The following SNTB1 variants were observed in gnomAD, a reference collection of about 807,000 sequenced individuals.
SNTB1 encodes beta-1-syntrophin.
Under a neutral mutation model 48.9 loss-of-function variants are expected in SNTB1, and 36 were observed. That is an observed-to-expected ratio of 0.74 (90% confidence interval 0.56 to 0.97). The LOEUF (loss-of-function observed/expected upper bound fraction) is 0.97. SNTB1 is among the 50% of genes least tolerant of loss of function. SNTB1 has a pLI of 0.00. For synonymous variants in SNTB1, 299 were observed against 294.6 expected (o/e 1.01, Z -0.15); for missense variants, 786 against 703.4 (o/e 1.12, Z -1.33).
At chr8:120,681,336 G>A (rs1385891996) in intron 2 of SNTB1, among the ~76,000 whole-genome samples, 1 of 152,116 alleles carries the variant, frequency 6.6e-6, no homozygotes, top group African/African-American at 2.4e-5. Flanking sequence ...AACAAGACAG[G>A]CACAACATGT....
At chr8:120,712,275 C>T (rs1048427158) in intron 1 of SNTB1, among the ~76,000 whole-genome samples, 5 of 151,714 alleles carry the variant, frequency 3.3e-5, no homozygotes, top group African/African-American at 7.3e-5. Flanking sequence ...ATTAGCCAGG[C>T]GTGGTGGCGG....
rs143552667 is a variant in SNTB1, at chr8:120,542,468, A to G, written c.1334-468T>C. Among the ~76,000 whole-genome samples, 139 of 152,312 alleles carry G rather than the reference A, an allele frequency of 9.1e-4. 2 individuals are homozygous for G. The East Asian group carries it at 0.013, about 14-fold the overall frequency. ...CAGGAGTTCGAGACCAGCCTGGCCA[A>G]TATGGTGCAACCCCATCTCTACTAA... On this transcript the variant is annotated intron_variant, in intron 5 of 6. Transcript: ENST00000517992.
intron 3 of SNTB1, among the ~76,000 whole-genome samples, chr8:120,627,976 A>G (rs1816912087): frequency 1.3e-5 from 2 of 152,250 alleles, no homozygotes; most frequent in African/African-American, 2.4e-5. Flanking sequence ...ATTGCTCACA[A>G]TAAGTATGAA....
At chr8:120,646,806 TG>T (rs1280979744) in intron 2 of SNTB1, among the ~76,000 whole-genome samples, 1 of 152,216 alleles carries the variant, frequency 6.6e-6, no homozygotes, top group Non-Finnish European at 1.5e-5. Context: ...GGACTCTTTT[TG>T]GTTGGTAAGC....
chr8:120,575,241 G>C lies in SNTB1; in HGVS notation c.997-16C>G, dbSNP rs1451037362. 5 of 1,614,010 alleles carry C rather than the reference G, an allele frequency of 3.1e-6. No homozygotes were observed. In the East Asian group the frequency reaches 8.9e-5, roughly 29 times the overall value. On this transcript the variant is annotated splice_polypyrimidine_tract_variant and intron_variant, in intron 3 of 6. Coordinates refer to ENST00000517992, the MANE Select transcript of SNTB1 (RefSeq NM_021021.4). ...CCCCTGGCACCTGAAAAAGAAAGCA[G>C]AGAACTGTCAAATGACAGCCTGAGG... is the stretch of plus-strand genomic sequence containing the variant.
rs538662349 is a variant in SNTB1 at position 120,536,948 on chromosome 8, C to T, written c.*1929G>A. The T allele has an allele frequency of 2.0e-5, 3 of 151,798 alleles. No homozygotes were observed. The highest frequency in any genetic ancestry group is 4.4e-5 in the Non-Finnish European group (3 of 67,942). The allele number at this position is 151,798 out of a possible 1,614,324, so 9.4% of individuals were successfully genotyped here. A position where few individuals can be genotyped will look rare whatever the true frequency, so the allele number is the denominator to read the frequency against. ...TATATGTATTTTAATATGTTATTTACAATACACAATTATAATTCTCTTGTA... is the reference window on the plus strand; with the variant it reads ...TATATGTATTTTAATATGTTATTTATAATACACAATTATAATTCTCTTGTA... On this transcript the variant is annotated 3_prime_UTR_variant, in exon 7 of 7. Transcript: ENST00000517992.
intron 2 of SNTB1, among the ~76,000 whole-genome samples, chr8:120,675,337 G>A (rs1489912626): frequency 1.3e-5 from 2 of 152,118 alleles, no homozygotes; most frequent in Non-Finnish European, 1.5e-5. Flanking sequence ...TGAACTCTTA[G>A]TACATTTACA....
chr8:120,753,420 A>AATCTCCAGT (rs1819255981), intron 1 of SNTB1, among the ~76,000 whole-genome samples: 1 of 152,122 alleles, frequency 6.6e-6, no homozygotes, highest in South Asian at 2.1e-4. Flanking sequence ...AACAAAATCC[A>AATCTCCAGT]ATCTCCAGTT....
chr8:120,790,130 CA>C (rs1484241579), intron 1 of SNTB1, among the ~76,000 whole-genome samples: 2 of 151,844 alleles, frequency 1.3e-5, no homozygotes, highest in Non-Finnish European at 3.0e-5. Context: ...CAATTAAAAA[CA>C]AAAGCCTTAT....
intron 2 of SNTB1, among the ~76,000 whole-genome samples, chr8:120,649,872 T>A (rs9297623): frequency 1.5e-4 from 23 of 152,044 alleles, no homozygotes; most frequent in Admixed American, 3.3e-4. Context: ...TCTCGTGGTG[T>A]GCCATTTTTT....
intron 1 of SNTB1, among the ~76,000 whole-genome samples, chr8:120,760,657 A>T (rs1359485711): frequency 6.6e-6 from 1 of 151,966 alleles, no homozygotes; most frequent in Non-Finnish European, 1.5e-5. Flanking sequence ...GGGAAAAGTA[A>T]CCATTTTTAA....
rs1015900312 is a variant in SNTB1 at position 120,669,102 on chromosome 8, A to G, written c.788+24590T>C. Among the ~76,000 whole-genome samples the G allele has an allele frequency of 5.9e-5, 9 of 152,220 alleles. No homozygotes were observed. In the South Asian group the frequency reaches 6.2e-4, roughly 11 times the overall value. ...TCCAGCTTTGAGATGAGCATTTCAT[A>G]AAATGTTTGAGGCAATTCATTGACC... On this transcript the variant is annotated intron_variant, in intron 2 of 6. Coordinates refer to ENST00000517992, the MANE Select transcript of SNTB1 (RefSeq NM_021021.4).
chr8:120,685,343 C>T (rs1818012594), intron 2 of SNTB1, among the ~76,000 whole-genome samples: 1 of 152,226 alleles, frequency 6.6e-6, no homozygotes, highest in African/African-American at 2.4e-5. Context: ...CACACGGCGT[C>T]CTTTGAAATC....
Position 120,583,560 on chromosome 8 carries a change from C to CACACAAAA in SNTB1, c.997-8336_997-8335insTTTTGTGT, listed in dbSNP as rs1466831833. Among the ~76,000 whole-genome samples the CACACAAAA allele has an allele frequency of 3.7e-4, 50 of 134,816 alleles. 1 individual carries two copies. Among genetic ancestry groups the CACACAAAA allele is most frequent in the African/African-American group, 1.3e-3 (49 of 36,708 alleles). The allele number at this position is 134,816 out of a possible 152,430, so 88.4% of individuals were successfully genotyped here. On this transcript the variant is annotated intron_variant, in intron 3 of 6. Transcript: ENST00000517992. ...ACACACACACACACACACACACACACAAAACTGGAACAGTACTATCTCTCT... is the reference window on the plus strand; with the variant it reads ...ACACACACACACACACACACACACACACACAAAAAAAACTGGAACAGTACTATCTCTCT...
chr8:120,667,100 C>CTCTTCT lies in SNTB1; in HGVS notation c.788+26591_788+26592insAGAAGA, dbSNP rs1554651578. ...TGGTAATTCTCTCTCTCTCTCTCTT[C>CTCTTCT]TTTTTTTTTTTTAAGAGACAGGGTC... On this transcript the variant is annotated intron_variant, in intron 2 of 6. Transcript: ENST00000517992. 3.0e-3 allele frequency among the ~76,000 whole-genome samples: 422 copies of CTCTTCT among 140,676 alleles called. 7 individuals are homozygous for CTCTTCT. The highest frequency in any genetic ancestry group is 8.5e-3 in the African/African-American group (324 of 38,062). The allele number at this position is 140,676 out of a possible 152,430, so 92.3% of individuals were successfully genotyped here. A position where few individuals can be genotyped will look rare whatever the true frequency, so the allele number is the denominator to read the frequency against.
chr8:120,810,454 TTC>T, intron 1 of SNTB1, among the ~76,000 whole-genome samples: 1 of 152,232 alleles, frequency 6.6e-6, no homozygotes, highest in East Asian at 1.9e-4. Flanking sequence ...AGAGAGTAGT[TTC>T]TAGGCTCTTC....
At chr8:120,732,987 C>A (rs1818876259) in intron 1 of SNTB1, among the ~76,000 whole-genome samples, 1 of 152,180 alleles carries the variant, frequency 6.6e-6, no homozygotes, top group South Asian at 2.1e-4. Flanking sequence ...TATTATTAGA[C>A]CATTTTCATT....
chr8:120,603,451 C>T (rs1816458391), intron 3 of SNTB1, among the ~76,000 whole-genome samples: 1 of 152,140 alleles, frequency 6.6e-6, no homozygotes, highest in African/African-American at 2.4e-5. Flanking sequence ...CTTTTCCTTT[C>T]TTTTTTTGAC....
intron 1 of SNTB1, among the ~76,000 whole-genome samples, chr8:120,757,969 G>A (rs1035543357): frequency 1.3e-5 from 2 of 152,154 alleles, no homozygotes; most frequent in African/African-American, 4.8e-5. Context: ...AGTAGTAACA[G>A]CAGTGGTATT....
Sources: allele counts gnomAD v4.1 joint callset (sites outside exome capture counted in the v4.1 genomes callset), GRCh38; gene constraint gnomAD v4.1.1; transcripts MANE v1.5; gene names NCBI Gene and HGNC (gene_info 2026-07-23, HGNC 2026-07-21).